STAB2: variants seen among roughly 807,000 people sequenced by gnomAD.
STAB2 encodes stabilin-2.
In STAB2, 288 loss-of-function variants were observed where a neutral mutation model predicts 338.1. The observed-to-expected ratio is 0.85, with a 90% CI of 0.77 to 0.94. The LOEUF (loss-of-function observed/expected upper bound fraction) is 0.94. Ranked by LOEUF, STAB2 falls within the 40% of genes least tolerant of loss-of-function variation. The pLI, the probability that STAB2 is intolerant of heterozygous loss-of-function variation, is 0.00. For missense variants in STAB2, 3,141 were observed against 3,210.1 expected, an observed-to-expected ratio of 0.98 and a Z score of 0.52; for synonymous variants, 1,202 against 1,193.3, an observed-to-expected ratio of 1.01 and a Z score of -0.15.
chr12:103,613,114 A>C (rs1441253840), intron 3 of STAB2, among the ~76,000 whole-genome samples: 2 of 152,248 alleles, frequency 1.3e-5, no homozygotes, highest in Non-Finnish European at 2.9e-5. Context: ...GGTGCCTCCC[A>C]GTTAGGCTAC....
At chr12:103,605,035 G>T (rs917237105) in intron 3 of STAB2, among the ~76,000 whole-genome samples, 1 of 151,622 alleles carries the variant, frequency 6.6e-6, no homozygotes, top group Non-Finnish European at 1.5e-5. Context: ...ATGTTGAAAT[G>T]TTGTGTTTCA....
intron 38 of STAB2, 50 bp from the exon 39 acceptor site, chr12:103,708,391 A>C: frequency 6.4e-7 from 1 of 1,574,512 alleles, no homozygotes; most frequent in Non-Finnish European, 8.7e-7. Flanking sequence ...CAAATGAGTT[A>C]TTGAACATGG....
rs375126237 is a variant in STAB2 at position 103,700,949 on chromosome 12, A to G, written c.3714+1722A>G. Among the ~76,000 whole-genome samples the G allele has an allele frequency of 1.5e-4, 23 of 149,318 alleles. No homozygotes were observed. In the East Asian group the frequency reaches 2.0e-3, roughly 13 times the overall value. ...CCATGCTGGTGCGCTGCACCCACTA[A>G]CTCGTCATCTAGCATTAGGTATATC... On this transcript the variant is annotated intron_variant, in intron 34 of 68. Transcript: ENST00000388887.
intron 15 of STAB2, among the ~76,000 whole-genome samples, chr12:103,659,365 A>G (rs572522931): frequency 3.9e-5 from 6 of 152,352 alleles, no homozygotes; most frequent in Admixed American, 2.6e-4. Flanking sequence ...GAGGAAACTC[A>G]GGTTCAGCAG....
In STAB2 at chr12:103,695,717, C is replaced by T; in HGVS notation, c.3475-20C>T. On this transcript the variant is annotated intron_variant, in intron 32 of 68. Transcript: ENST00000388887. ...CAGGAACAGGAATCCCTCATGCACT[C>T]TTGTCTCTTTCCATCGCAGCAATAT... 6.2e-7 allele frequency: 1 copy of T among 1,614,182 alleles called. No homozygotes were observed. Among genetic ancestry groups the T allele is most frequent in the Non-Finnish European group, 8.5e-7 (1 of 1,179,998 alleles).
chr12:103,737,571 T>TG, intron 52 of STAB2, 63 bp from the exon 53 acceptor site: 2 of 1,490,584 alleles, frequency 1.3e-6, no homozygotes, highest in Non-Finnish European at 1.8e-6. Context: ...AGAGATTGAC[T>TG]GTTTCTCTCT....
Position 103,742,524 on chromosome 12 carries a change from T to C in STAB2, c.6001T>C (p.Trp2001Arg), listed in dbSNP as rs1882668450. The C allele has an allele frequency of 6.2e-7, 1 of 1,614,188 alleles. No individual in the cohort carries two copies. The change falls in exon 56 of 69, where the codon TGG (tryptophan) becomes CGG (arginine). Residue 2001 changes from tryptophan (W) to arginine (R), a missense_variant. Trp to Arg is a moderately radical substitution (Grantham distance 101). Coordinates refer to ENST00000388887, the MANE Select transcript of STAB2 (RefSeq NM_017564.10). ...GFNGTACEMC[W>R]PGRFGPDCLP... ...CAATGGGACGGCGTGTGAGATGTGC[T>C]GGCCGGGGAGATTCGGGCCTGATTG...
chr12:103,738,130 T>C (rs1882301315), intron 53 of STAB2, among the ~76,000 whole-genome samples: 1 of 152,164 alleles, frequency 6.6e-6, no homozygotes, highest in African/African-American at 2.4e-5. Flanking sequence ...AACAAATATT[T>C]GTTGAATGTC....
Position 103,742,422 on chromosome 12 carries a change from G to A in STAB2, c.5899G>A (p.Asp1967Asn). The change falls in exon 56 of 69, where the codon GAT (aspartate) becomes AAT (asparagine). Residue 1967 changes from aspartate (D) to asparagine (N), a missense_variant. Asp to Asn is a conservative substitution (Grantham distance 23). Coordinates refer to ENST00000388887, the MANE Select transcript of STAB2 (RefSeq NM_017564.10). ...TCTTCCAGCCTGCCCTGGAGGACCA[G>A]ATGCCCCGTGTAATAACCGGGGTGT... ...RDCQACPGGP[D>N]APCNNRGVCL... 1 of 1,614,162 alleles carries A rather than the reference G, an allele frequency of 6.2e-7. No individual in the cohort carries two copies. Among genetic ancestry groups the A allele is most frequent in the African/African-American group, 1.3e-5 (1 of 75,042 alleles).
chr12:103,753,333 C>G lies in STAB2; in HGVS notation c.6694C>G (p.Gln2232Glu), dbSNP rs748086071. The change falls in exon 61 of 69, where the codon CAG becomes GAG. Residue 2232 changes from glutamine to glutamate, a missense_variant. Coordinates refer to ENST00000388887, the MANE Select transcript of STAB2 (RefSeq NM_017564.10). The stretch of plus-strand genomic sequence containing the variant: ...AGCTGCGACCATGGCAACCTACAAC[C>G]AGCTCTCCTATGCCCAGAAGGTGGG... ...NEAATMATYN[Q>E]LSYAQKAKYH... 3 of 1,614,246 alleles carry G rather than the reference C, an allele frequency of 1.9e-6. No homozygotes were observed. The highest frequency in any genetic ancestry group is 1.7e-6 in the Non-Finnish European group (2 of 1,180,042).
rs758776906 is a variant in STAB2, at chr12:103,758,172, A to G, written c.6990A>G (p.Glu2330=). The G allele has an allele frequency of 4.3e-6, 7 of 1,613,914 alleles. No individual in the cohort carries two copies. In the Admixed American group the frequency reaches 1.2e-4, roughly 27 times the overall value. Reference sequence around the variant, plus strand: ...GATGACTTCCTTCTTCTCCCCAGGAAGTGCTGGCCTATTCCAACAGCTCAG... The same window carrying G: ...GATGACTTCCTTCTTCTCCCCAGGAGGTGCTGGCCTATTCCAACAGCTCAG... The part of the protein sequence containing the change: ...SFPSLTNFLT[E]VLAYSNSSAR... The change falls in exon 64 of 69, where the codon GAA becomes GAG. Residue 2330 remains glutamate, a splice_region_variant and synonymous_variant. Coordinates refer to ENST00000388887, the MANE Select transcript of STAB2 (RefSeq NM_017564.10).
intron 21 of STAB2, 119 bp from the exon 22 acceptor site, chr12:103,670,577 A>C: frequency 1.3e-6 from 1 of 756,786 alleles, no homozygotes; most frequent in African/African-American, 1.7e-5. Context: ...TTCCACGAGG[A>C]GTCCCAGAGG....
chr12:103,663,534 G>T (rs1026328148), intron 18 of STAB2, among the ~76,000 whole-genome samples: 11 of 152,140 alleles, frequency 7.2e-5, no homozygotes, highest in Admixed American at 4.6e-4. Context: ...TTATTGTAGA[G>T]ATGGGGTTTC....
chr12:103,646,292 T>C (rs1205856913), intron 9 of STAB2, among the ~76,000 whole-genome samples: 1 of 152,254 alleles, frequency 6.6e-6, no homozygotes, highest in Non-Finnish European at 1.5e-5. Flanking sequence ...CTCCATGCCC[T>C]ATAGCATCCT....
At chr12:103,611,604 C>T (rs1273001480) in intron 3 of STAB2, among the ~76,000 whole-genome samples, 1 of 152,106 alleles carries the variant, frequency 6.6e-6, no homozygotes, top group African/African-American at 2.4e-5. Context: ...GATGGGTTTC[C>T]TGAGTACAGC....
chr12:103,615,178 T>C (rs1355908993), intron 3 of STAB2, among the ~76,000 whole-genome samples: 1 of 152,172 alleles, frequency 6.6e-6, no homozygotes, highest in Non-Finnish European at 1.5e-5. Context: ...ACAAAGGCTG[T>C]CTATGCCCTG....
At position 103,757,744 on chromosome 12, in the gene STAB2, G is replaced by C. The variant is rs577281726; in HGVS notation, c.6988-426G>C. Among the ~76,000 whole-genome samples, 143 of 152,364 alleles carry C rather than the reference G, an allele frequency of 9.4e-4. No homozygotes were observed. The Middle Eastern group carries it at 0.017, about 18-fold the overall frequency. On this transcript the variant is annotated intron_variant, in intron 63 of 68. Coordinates refer to ENST00000388887, the MANE Select transcript of STAB2 (RefSeq NM_017564.10). ...GAGGAAGAGCAGGGAGGCCCCATAT[G>C]GCTGGAACAGAGTGAGCAAGAGAGG...
Position 103,675,990 on chromosome 12 carries a change from C to G in STAB2, c.2615C>G (p.Thr872Arg). The change falls in exon 24 of 69, where the codon ACA becomes AGA. Residue 872 changes from threonine to arginine, a missense_variant. Thr to Arg is a moderately conservative substitution (Grantham distance 71, BLOSUM62 -1). Transcript: ENST00000388887. The part of the protein sequence containing the change: ...GTLCSEMDPC[T>R]GLTPGGCSRN... ...CTGTGTTCTGAGATGGACCCTTGCA[C>G]AGGACTAACTCCAGGAGGCTGTAGC... 3 of 1,611,798 alleles carry G rather than the reference C, an allele frequency of 1.9e-6. No individual in the cohort carries two copies. Among genetic ancestry groups the G allele is most frequent in the Non-Finnish European group, 2.5e-6 (3 of 1,179,094 alleles).
rs1036199741 is a variant in STAB2, at chr12:103,721,811, A to T, written c.4684-3164A>T. ...TTGAGACCAGCTTGGAGAGAGAGGG[A>T]GATAAATCACTGGACAGGGGATGTA... On this transcript the variant is annotated intron_variant, in intron 44 of 68. Transcript: ENST00000388887. Among the ~76,000 whole-genome samples, 5 of 152,192 alleles carry T rather than the reference A, an allele frequency of 3.3e-5. No individual in the cohort carries two copies. In the South Asian group the frequency reaches 1.0e-3, roughly 32 times the overall value.
Sources: allele counts gnomAD v4.1 joint callset (sites outside exome capture counted in the v4.1 genomes callset), GRCh38; gene constraint gnomAD v4.1.1; transcripts MANE v1.5; gene names NCBI Gene and HGNC (gene_info 2026-07-23, HGNC 2026-07-21).